Variants in TENM4 observed in about 807,000 individuals in gnomAD.
The protein encoded by TENM4 is teneurin-4.
In TENM4, 82 loss-of-function variants were observed where a neutral mutation model predicts 243.3. That is an observed-to-expected ratio of 0.34 (90% confidence interval 0.28 to 0.40). TENM4 has a LOEUF of 0.40. Ranked by LOEUF, TENM4 falls within the 10% of genes least tolerant of loss-of-function variation. TENM4 has a pLI of 1.00. For missense variants in TENM4, 3,138 were observed against 3,673.3 expected (o/e 0.85, Z 3.77); for synonymous variants, 1,412 against 1,456.3 (o/e 0.97, Z 0.69).
intron 6 of TENM4, among the ~76,000 whole-genome samples, chr11:79,057,728 C>T (rs1217097579): frequency 2.0e-5 from 3 of 152,212 alleles, no homozygotes; most frequent in African/African-American, 4.8e-5. Context: ...AGGTGCTCAA[C>T]AAATAGTTGT....
intron 6 of TENM4, among the ~76,000 whole-genome samples, chr11:78,967,407 A>G (rs1223895501): frequency 6.6e-6 from 1 of 152,224 alleles, no homozygotes; most frequent in African/African-American, 2.4e-5. Context: ...ATAAGACAGG[A>G]ATGAGAACAC....
intron 6 of TENM4, among the ~76,000 whole-genome samples, chr11:78,972,920 G>A (rs1857575990): frequency 6.6e-6 from 1 of 152,164 alleles, no homozygotes; most frequent in Admixed American, 6.5e-5. Context: ...TCATAAAAAT[G>A]GGATCATATA....
chr11:79,280,537 C>T (rs964015039), intron 2 of TENM4, among the ~76,000 whole-genome samples: 2 of 152,172 alleles, frequency 1.3e-5, no homozygotes, highest in African/African-American at 4.8e-5. Flanking sequence ...AGAAGCGAGC[C>T]GGAGCACAGA....
At chr11:78,971,583 G>A (rs1023230930) in intron 6 of TENM4, among the ~76,000 whole-genome samples, 15 of 152,128 alleles carry the variant, frequency 9.9e-5, no homozygotes, top group African/African-American at 3.6e-4. Flanking sequence ...TTACAGGCAT[G>A]AGCCACTGCA....
At chr11:79,043,117 C>T (rs1859578550) in intron 6 of TENM4, among the ~76,000 whole-genome samples, 1 of 152,184 alleles carries the variant, frequency 6.6e-6, no homozygotes, top group South Asian at 2.1e-4. Flanking sequence ...CCTCTCAGAG[C>T]TAACAGCACA....
intron 4 of TENM4, among the ~76,000 whole-genome samples, chr11:79,114,485 T>C (rs1861576089): frequency 6.6e-6 from 1 of 152,248 alleles, no homozygotes; most frequent in African/African-American, 2.4e-5. Context: ...AAAATCCTTC[T>C]GTAGTTTTTT....
rs532403572 is a variant in TENM4 at position 79,399,420 on chromosome 11, T to C, written c.-321+41089A>G. Among the ~76,000 whole-genome samples, 277 of 152,306 alleles carry C rather than the reference T, an allele frequency of 1.8e-3. 1 individual carries two copies. Among genetic ancestry groups the C allele is most frequent in the African/African-American group, 6.4e-3 (266 of 41,564 alleles). On this transcript the variant is annotated intron_variant, in intron 1 of 33. Transcript: ENST00000278550. ...AGAAAGATTGTGGTCCCTGCTACCA[T>C]AGCCAAGGAAGAAGAACTGGGGAGT...
chr11:78,813,856 T>C (rs1015421917), intron 13 of TENM4, among the ~76,000 whole-genome samples: 1 of 152,156 alleles, frequency 6.6e-6, no homozygotes, highest in Non-Finnish European at 1.5e-5. Context: ...CCTGTGCTGT[T>C]AGAAAGTAGC....
chr11:78,879,816 A>G (rs1165450322), intron 9 of TENM4, among the ~76,000 whole-genome samples: 5 of 133,302 alleles, frequency 3.8e-5, no homozygotes, highest in African/African-American at 1.1e-4. Flanking sequence ...ACACCACCCC[A>G]TCTGGGAGGT....
chr11:79,018,260 C>G (rs1397588325), intron 6 of TENM4, among the ~76,000 whole-genome samples: 1 of 152,118 alleles, frequency 6.6e-6, no homozygotes, highest in Non-Finnish European at 1.5e-5. Flanking sequence ...AGCAGCGATC[C>G]CATTCATTCT....
At chr11:79,062,108 T>A (rs2136975725) in intron 6 of TENM4, among the ~76,000 whole-genome samples, 1 of 151,972 alleles carries the variant, frequency 6.6e-6, no homozygotes, top group South Asian at 2.1e-4. Flanking sequence ...ATTACAAGTG[T>A]GCACCACCAT....
intron 25 of TENM4, among the ~76,000 whole-genome samples, chr11:78,714,232 T>G (rs74782922): frequency 6.6e-6 from 1 of 152,222 alleles, no homozygotes; most frequent in African/African-American, 2.4e-5. Context: ...AATTTTATTT[T>G]ACAGATTTGT....
intron 1 of TENM4, among the ~76,000 whole-genome samples, chr11:79,410,682 G>A (rs1590946684): frequency 6.6e-6 from 1 of 152,184 alleles, no homozygotes; most frequent in African/African-American, 2.4e-5. Flanking sequence ...TGCCTTCTCT[G>A]ACCTTTCCTG....
intron 1 of TENM4, among the ~76,000 whole-genome samples, chr11:79,400,099 C>CACACA (rs1288184782): frequency 7.1e-6 from 1 of 140,588 alleles, no homozygotes; most frequent in African/African-American, 2.7e-5. Flanking sequence ...TAAACACACA[C>CACACA]CACACACACA....
intron 6 of TENM4, among the ~76,000 whole-genome samples, chr11:78,912,628 A>G (rs1856215332): frequency 6.6e-6 from 1 of 152,200 alleles, no homozygotes; most frequent in South Asian, 2.1e-4. Context: ...TAAAATGCAC[A>G]TGAGGTTCCT....
At position 79,064,821 on chromosome 11, in the gene TENM4, C is replaced by A; in HGVS notation, c.410G>T (p.Arg137Leu). Reference protein sequence around the residue: ...HPVRLWGRSTRSGRSSCLSSR... With the variant: ...HPVRLWGRSTLSGRSSCLSSR... ...GGACAGGCAGGAGCTGCGCCCTGACCGTGTGCTCCGGCCCCACAGACGCAC... is the reference window on the plus strand; with the variant it reads ...GGACAGGCAGGAGCTGCGCCCTGACAGTGTGCTCCGGCCCCACAGACGCAC... The change falls in exon 6 of 34, where the codon CGG (arginine) becomes CTG (leucine). Residue 137 changes from arginine (R) to leucine (L), a missense_variant. Physicochemically the swap from Arg to Leu is moderately radical, Grantham distance 102. This residue lies in a region of TENM4 where 671 missense variants were observed against 614.1 expected (regional missense o/e 1.09). Transcript: ENST00000278550. 2 of 1,551,486 alleles carry A rather than the reference C, an allele frequency of 1.3e-6. No individual in the cohort carries two copies. The highest frequency in any genetic ancestry group is 1.2e-5 in the South Asian group (1 of 84,060).
chr11:79,117,948 G>A (rs939038842), intron 4 of TENM4, among the ~76,000 whole-genome samples: 8 of 152,158 alleles, frequency 5.3e-5, no homozygotes, highest in African/African-American at 1.9e-4. Flanking sequence ...CCAGGGAAGA[G>A]AATGGTTATG....
chr11:78,826,533 C>T (rs904060923), intron 12 of TENM4, among the ~76,000 whole-genome samples: 1 of 152,118 alleles, frequency 6.6e-6, no homozygotes, highest in Non-Finnish European at 1.5e-5. Flanking sequence ...TTACTCATGG[C>T]CTGGACTGCT....
intron 21 of TENM4, among the ~76,000 whole-genome samples, chr11:78,731,171 A>G (rs1855658668): frequency 2.0e-5 from 3 of 152,164 alleles, no homozygotes; most frequent in African/African-American, 4.8e-5. Flanking sequence ...TTTGTTCCAG[A>G]GTCCCTGCTC....
Sources: gnomAD v4.1 joint callset for allele counts (sites outside exome capture counted in the v4.1 genomes callset) on GRCh38, gnomAD v4.1.1 for gene constraint, gnomAD v4.1.1 regional missense constraint, MANE v1.5 for transcripts, NCBI Gene and HGNC (gene_info 2026-07-23, HGNC 2026-07-21) for gene names.